RAB11FIP4: variants seen among roughly 807,000 people sequenced by gnomAD.
The protein encoded by RAB11FIP4 is RAB11 family interacting protein 4, also known as rab11 family-interacting protein 4.
RAB11FIP4 carries 23 observed loss-of-function variants against 74.3 expected under a neutral mutation model. The ratio of observed to expected loss-of-function variants is 0.31; its 90% CI spans 0.22 to 0.44. The LOEUF (loss-of-function observed/expected upper bound fraction) is 0.44, where lower values mean the gene tolerates loss of function less well. Ranked by LOEUF, RAB11FIP4 falls within the 20% of genes least tolerant of loss-of-function variation. The pLI is 1.00. For synonymous variants in RAB11FIP4, 360 were observed against 359.9 expected (o/e 1.00, Z 0.00); for missense variants, 630 against 863.9 (o/e 0.73, Z 3.39).
intron 1 of RAB11FIP4, among the ~76,000 whole-genome samples, chr17:31,411,108 A>C (rs1031570614): frequency 6.6e-6 from 1 of 152,176 alleles, no homozygotes; most frequent in South Asian, 2.1e-4. Context: ...TCACGCCTGT[A>C]ATCCCAGCGC....
intron 3 of RAB11FIP4, among the ~76,000 whole-genome samples, chr17:31,446,616 GA>G (rs1486399100): frequency 6.6e-6 from 1 of 152,036 alleles, no homozygotes; most frequent in East Asian, 1.9e-4. Flanking sequence ...TGTCTCCTGA[GA>G]GGGGCAATCT....
In RAB11FIP4 at chr17:31,466,938, C is replaced by T. The variant is rs1597933887; in HGVS notation, c.336+32816C>T. Among the ~76,000 whole-genome samples the T allele has an allele frequency of 2.0e-5, 3 of 152,268 alleles. No individual in the cohort carries two copies. In the East Asian group the frequency reaches 5.8e-4, roughly 29 times the overall value. ...TTCCATTTTTCTGGACAAATTTACA[C>T]TTCAAATCTCTGCATTTTGGTTTAA... On this transcript the variant is annotated intron_variant, in intron 3 of 14. Transcript: ENST00000621161.
chr17:31,495,662 C>G (rs904949097), intron 3 of RAB11FIP4, among the ~76,000 whole-genome samples: 2 of 152,162 alleles, frequency 1.3e-5, no homozygotes, highest in Non-Finnish European at 2.9e-5. Flanking sequence ...ATGCTTGACT[C>G]GTCTGACTGA....
intron 3 of RAB11FIP4, among the ~76,000 whole-genome samples, chr17:31,507,656 T>C (rs1205476511): frequency 6.6e-6 from 1 of 152,062 alleles, no homozygotes; most frequent in African/African-American, 2.4e-5. Flanking sequence ...TCATCTATTA[T>C]TATTATTACT....
chr17:31,398,562 C>T (rs1210344460), intron 1 of RAB11FIP4, among the ~76,000 whole-genome samples: 7 of 152,298 alleles, frequency 4.6e-5, no homozygotes, highest in African/African-American at 9.6e-5. Context: ...ATCAGCAAGA[C>T]GTGCCCTCCG....
intron 1 of RAB11FIP4, among the ~76,000 whole-genome samples, chr17:31,400,990 C>T (rs1011109976): frequency 2.6e-5 from 4 of 152,178 alleles, no homozygotes; most frequent in Admixed American, 6.5e-5. Flanking sequence ...GAGGCTTGGC[C>T]GGGAGCGGTG....
chr17:31,461,307 AG>A (rs1479270644), intron 3 of RAB11FIP4, among the ~76,000 whole-genome samples: 2 of 152,060 alleles, frequency 1.3e-5, no homozygotes, highest in Non-Finnish European at 2.9e-5. Context: ...CACCCTACAA[AG>A]CCCTCACCAG....
intron 1 of RAB11FIP4, among the ~76,000 whole-genome samples, chr17:31,409,126 G>A (rs1048704197): frequency 3.3e-5 from 5 of 152,160 alleles, no homozygotes; most frequent in Non-Finnish European, 5.9e-5. Flanking sequence ...GGAGCCAGTA[G>A]GGATAAGGGT....
In RAB11FIP4 at chr17:31,417,333, C is replaced by T. The variant is rs141581132; in HGVS notation, c.160-14480C>T. 1.5e-3 allele frequency among the ~76,000 whole-genome samples: 221 copies of T among 152,270 alleles called. 1 individual carries two copies. The highest frequency in any genetic ancestry group is 4.8e-3 in the African/African-American group (198 of 41,542). On this transcript the variant is annotated intron_variant, in intron 1 of 14. Transcript: ENST00000621161. ...CACTGCCAGGGAAATCTAGGCTCCA[C>T]GTGGGTTCAAAAGGCACTTCCCGGC...
intron 3 of RAB11FIP4, among the ~76,000 whole-genome samples, chr17:31,458,250 C>G (rs2071598955): frequency 6.6e-6 from 1 of 152,208 alleles, no homozygotes; most frequent in Admixed American, 6.5e-5. Flanking sequence ...TCCTCACTCC[C>G]TCCACCCCAT....
intron 3 of RAB11FIP4, among the ~76,000 whole-genome samples, chr17:31,515,770 G>A (rs1470496033): frequency 2.6e-5 from 4 of 152,228 alleles, no homozygotes; most frequent in Non-Finnish European, 5.9e-5. Context: ...TGCCACCTGA[G>A]AAGTACCTAC....
chr17:31,451,050 CT>C (rs2071522344), intron 3 of RAB11FIP4, among the ~76,000 whole-genome samples: 1 of 152,204 alleles, frequency 6.6e-6, no homozygotes, highest in African/African-American at 2.4e-5. Context: ...TTCCCTCCAC[CT>C]TGGAGGTTAC....
At chr17:31,428,252 C>A (rs1010940525) in intron 1 of RAB11FIP4, among the ~76,000 whole-genome samples, 2 of 152,202 alleles carry the variant, frequency 1.3e-5, no homozygotes, top group African/African-American at 2.4e-5. Context: ...GGCTTCAGAC[C>A]CCTGCTGCAG....
intron 11 of RAB11FIP4, 36 bp from the exon 12 acceptor site, chr17:31,528,370 G>A (rs1270012431): frequency 1.3e-6 from 2 of 1,599,148 alleles, no homozygotes; most frequent in South Asian, 2.2e-5. Flanking sequence ...CCCTCTCTGG[G>A]AACTCTCCTC....
intron 1 of RAB11FIP4, among the ~76,000 whole-genome samples, chr17:31,399,903 C>T (rs191408705): frequency 2.0e-5 from 3 of 151,624 alleles, no homozygotes; most frequent in African/African-American, 7.3e-5. Context: ...ATTAGCCGGG[C>T]GTGATGATGC....
intron 3 of RAB11FIP4, among the ~76,000 whole-genome samples, chr17:31,476,638 G>A (rs2071796133): frequency 1.3e-5 from 2 of 152,212 alleles, no homozygotes; most frequent in South Asian, 2.1e-4. Context: ...GATCCAGTGG[G>A]GACCACAGGG....
At chr17:31,466,621 C>T (rs758937256) in intron 3 of RAB11FIP4, among the ~76,000 whole-genome samples, 1 of 152,152 alleles carries the variant, frequency 6.6e-6, no homozygotes, top group African/African-American at 2.4e-5. Context: ...GGGCGTCTAC[C>T]GCCTTCCAGT....
At chr17:31,493,908 TGTGTGTGTGCACACAC>T (rs1192938656) in intron 3 of RAB11FIP4, among the ~76,000 whole-genome samples, 2 of 152,140 alleles carry the variant, frequency 1.3e-5, no homozygotes, top group African/African-American at 2.4e-5. Flanking sequence ...AGATCGTATA[TGTGTGTGTGCACACAC>T]GTGTGTGTTT....
At chr17:31,392,085 C>G (rs1222183096) in intron 1 of RAB11FIP4, 74 bp downstream of exon 1, 2 of 1,100,566 alleles carry the variant, frequency 1.8e-6, no homozygotes, top group African/African-American at 3.3e-5. Context: ...AGCTCCCCCG[C>G]CGGGTCACCC....
Sources: allele counts gnomAD v4.1 joint callset (sites outside exome capture counted in the v4.1 genomes callset), GRCh38; gene constraint gnomAD v4.1.1; transcripts MANE v1.5; gene names NCBI Gene and HGNC (gene_info 2026-07-23, HGNC 2026-07-21).